SRL: variants seen among roughly 807,000 people sequenced by gnomAD.
The protein encoded by SRL is sarcalumenin.
SRL carries 23 observed loss-of-function variants against 39.5 expected under a neutral mutation model. That is an observed-to-expected ratio of 0.58 (90% CI 0.42 to 0.82). The LOEUF (loss-of-function observed/expected upper bound fraction) is 0.82, where lower values mean the gene tolerates loss of function less well. Among genes scored for constraint, SRL ranks in the 40% least tolerant of loss-of-function variants. The probability of loss-of-function intolerance (pLI) is 0.00; values close to 1 mark genes in which losing one functional copy is unlikely to be tolerated. For synonymous variants in SRL, 272 were observed against 237.4 expected (o/e 1.15, Z -1.34); for missense variants, 592 against 607.8 (o/e 0.97, Z 0.27).
intron 1 of SRL, among the ~76,000 whole-genome samples, chr16:4,215,946 G>A (rs920023537): frequency 1.3e-5 from 2 of 152,014 alleles, no homozygotes; most frequent in Admixed American, 1.3e-4. Context: ...TGTGGTTGAC[G>A]GACCTCTTGA....
chr16:4,227,449 G>A (rs1019376220), intron 1 of SRL, among the ~76,000 whole-genome samples: 19 of 151,382 alleles, frequency 1.3e-4, no homozygotes, highest in Non-Finnish European at 1.8e-4. Context: ...GTGTGGGTGC[G>A]TGGATAAGTG....
intron 3 of SRL, among the ~76,000 whole-genome samples, chr16:4,198,116 G>A (rs890696585): frequency 6.6e-6 from 1 of 152,162 alleles, no homozygotes; most frequent in Non-Finnish European, 1.5e-5. Flanking sequence ...AGTCACTTTT[G>A]GGCCTTGCCC....
intron 3 of SRL, among the ~76,000 whole-genome samples, chr16:4,202,626 T>C (rs2052251789): frequency 2.6e-5 from 4 of 151,830 alleles, no homozygotes; most frequent in Admixed American, 2.6e-4. Context: ...AGAATATAAT[T>C]TTTATTTTTC....
intron 1 of SRL, among the ~76,000 whole-genome samples, chr16:4,223,340 T>C (rs1274276756): frequency 6.6e-6 from 1 of 151,186 alleles, no homozygotes; most frequent in African/African-American, 2.4e-5. Flanking sequence ...TTCTCAGGCC[T>C]CCAGAACAAA....
intron 3 of SRL, among the ~76,000 whole-genome samples, chr16:4,200,117 C>T (rs9932579): frequency 0.1 from 15,574 of 152,228 alleles, 2,527 homozygotes; most frequent in African/African-American, 0.35. Flanking sequence ...TTATACATGG[C>T]AGGCACATGT....
chr16:4,221,411 C>T (rs1028419797), intron 1 of SRL, among the ~76,000 whole-genome samples: 1 of 152,186 alleles, frequency 6.6e-6, no homozygotes, highest in Non-Finnish European at 1.5e-5. Flanking sequence ...CTGCCTACTC[C>T]CTAGTTCCCA....
chr16:4,216,961 G>A (rs150068775), intron 1 of SRL, among the ~76,000 whole-genome samples: 4 of 152,306 alleles, frequency 2.6e-5, no homozygotes, highest in African/African-American at 2.4e-5. Context: ...CGTGGCTCCC[G>A]CAGGTCTCAG....
intron 1 of SRL, among the ~76,000 whole-genome samples, chr16:4,227,509 G>C (rs2052606871): frequency 6.6e-6 from 1 of 151,382 alleles, no homozygotes; most frequent in African/African-American, 2.4e-5. Flanking sequence ...GGATGAATGG[G>C]TGGGTAGATG....
At chr16:4,202,322 G>A (rs1232717316) in intron 3 of SRL, among the ~76,000 whole-genome samples, 1 of 152,196 alleles carries the variant, frequency 6.6e-6, no homozygotes, top group East Asian at 1.9e-4. Context: ...GGCTGGGAGC[G>A]GTGGCTCACG....
chr16:4,218,342 G>A (rs146047355), intron 1 of SRL, among the ~76,000 whole-genome samples: 2,157 of 152,198 alleles, frequency 0.014, 59 homozygotes, highest in African/African-American at 0.049. Flanking sequence ...GACCGGTAAG[G>A]GCCCTTCAAA....
intron 1 of SRL, among the ~76,000 whole-genome samples, chr16:4,218,719 G>A (rs1041453271): frequency 2.6e-5 from 4 of 152,206 alleles, no homozygotes; most frequent in Non-Finnish European, 4.4e-5. Flanking sequence ...ACAACAGGGC[G>A]CACAGCCCCC....
chr16:4,240,641 A>G (rs1165756866), intron 1 of SRL, among the ~76,000 whole-genome samples: 4 of 152,094 alleles, frequency 2.6e-5, no homozygotes, highest in Non-Finnish European at 5.9e-5. Context: ...CCTGCAGAAC[A>G]TTCCAGATGA....
intron 1 of SRL, 131 bp from the exon 2 acceptor site, chr16:4,204,765 G>C: frequency 5.7e-6 from 4 of 697,116 alleles, no homozygotes; most frequent in Non-Finnish European, 1.0e-5. Flanking sequence ...ACACTGGACT[G>C]AGCTCTGCCT....
At chr16:4,231,535 C>A (rs981612179) in intron 1 of SRL, among the ~76,000 whole-genome samples, 3 of 152,168 alleles carry the variant, frequency 2.0e-5, no homozygotes, top group African/African-American at 7.2e-5. Context: ...TCGAGCCCCC[C>A]TTCCAGGAAG....
chr16:4,220,010 G>A (rs936495078), intron 1 of SRL, among the ~76,000 whole-genome samples: 2 of 151,994 alleles, frequency 1.3e-5, no homozygotes, highest in African/African-American at 4.8e-5. Context: ...GAGAAGGGAA[G>A]ACCCTCCCAG....
chr16:4,230,608 T>C (rs141895398), intron 1 of SRL, among the ~76,000 whole-genome samples: 10,846 of 151,670 alleles, frequency 0.072, 1,315 homozygotes, highest in African/African-American at 0.25. Flanking sequence ...AGGCTGGTCT[T>C]GAACTCCCGA....
intron 3 of SRL, among the ~76,000 whole-genome samples, chr16:4,199,992 C>T (rs1209569408): frequency 1.4e-5 from 2 of 144,672 alleles, no homozygotes; most frequent in Admixed American, 1.3e-4. Context: ...CCCCCACACC[C>T]GGCCCCATCT....
rs559730385 is a variant in SRL at position 4,225,507 on chromosome 16, C to A, written c.61+16500G>T. The stretch of plus-strand genomic sequence containing the variant: ...GCTGAGGTGGGAGGATCGCCTGAGC[C>A]CGGGAGTTTGAGGCTTCAGTGAGCC... On this transcript the variant is annotated intron_variant, in intron 1 of 5. Transcript: ENST00000399609. Among the ~76,000 whole-genome samples, 578 of 152,202 alleles carry A rather than the reference C, an allele frequency of 3.8e-3. 4 individuals carry two copies. The highest frequency in any genetic ancestry group is 0.013 in the African/African-American group (545 of 41,520).
intron 2 of SRL, 77 bp from the exon 3 acceptor site, chr16:4,203,338 AC>A: frequency 8.1e-7 from 1 of 1,228,278 alleles, no homozygotes; most frequent in Non-Finnish European, 1.2e-6. Flanking sequence ...GAGGGGCCTC[AC>A]CACCCAGGGC....
Sources: gnomAD v4.1 joint callset for allele counts (sites outside exome capture counted in the v4.1 genomes callset) on GRCh38, gnomAD v4.1.1 for gene constraint, MANE v1.5 for transcripts, NCBI Gene and HGNC (gene_info 2026-07-23, HGNC 2026-07-21) for gene names.